Variants in MYOZ2 observed in about 807,000 individuals in gnomAD.
The protein encoded by MYOZ2 is myozenin-2.
A neutral mutation model predicts 25.4 loss-of-function variants in MYOZ2; 19 were observed. The ratio of observed to expected loss-of-function variants is 0.75; its 90% CI spans 0.52 to 1.10. The LOEUF (loss-of-function observed/expected upper bound fraction) is 1.10. Ranked by LOEUF, MYOZ2 falls within the 50% of genes least tolerant of loss-of-function variation. The pLI is 0.00. For synonymous variants in MYOZ2, 92 were observed against 106.9 expected, an observed-to-expected ratio of 0.86 and a Z score of 0.86; for missense variants, 270 against 317.9, an observed-to-expected ratio of 0.85 and a Z score of 1.15.
intron 5 of MYOZ2, among the ~76,000 whole-genome samples, chr4:119,167,969 ATGTTTTGTTT>A (rs140910198): frequency 6.6e-6 from 1 of 151,968 alleles, no homozygotes; most frequent in Non-Finnish European, 1.5e-5. Flanking sequence ...ACGGAGATTA[ATGTTTTGTTT>A]TGTTTTGTTT....
chr4:119,176,486 G>A (rs1007017581), intron 5 of MYOZ2, among the ~76,000 whole-genome samples: 12 of 152,200 alleles, frequency 7.9e-5, no homozygotes, highest in Non-Finnish European at 1.6e-4. Context: ...GCCTCCGAAA[G>A]TACTGGGATT....
At chr4:119,141,651 G>A (rs1741160705) in intron 2 of MYOZ2, among the ~76,000 whole-genome samples, 1 of 152,116 alleles carries the variant, frequency 6.6e-6, no homozygotes, top group Admixed American at 6.5e-5. Flanking sequence ...CAAAGTGCTG[G>A]GATTACAGGC....
intron 2 of MYOZ2, among the ~76,000 whole-genome samples, chr4:119,147,457 T>TTGGCCAGGCACGTAATC (rs1379216707): frequency 2.6e-5 from 4 of 152,066 alleles, no homozygotes; most frequent in Non-Finnish European, 5.9e-5. Context: ...TTATCTACTT[T>TTGGCCAGGCACGTAATC]TGGCCAGGCA....
At chr4:119,160,171 G>C (rs559509907) in intron 4 of MYOZ2, among the ~76,000 whole-genome samples, 1 of 152,206 alleles carries the variant, frequency 6.6e-6, no homozygotes, top group East Asian at 1.9e-4. Flanking sequence ...AAGTGTGATG[G>C]TATGCGAATA....
At chr4:119,185,838 T>C (rs571622885) in intron 5 of MYOZ2, 128 bp from the exon 6 acceptor site, 2 of 765,408 alleles carry the variant, frequency 2.6e-6, no homozygotes, top group South Asian at 3.3e-5. Context: ...TCATAGAATA[T>C]AAGTAAGCCC....
At chr4:119,169,540 G>A (rs1051088909) in intron 5 of MYOZ2, among the ~76,000 whole-genome samples, 2 of 152,220 alleles carry the variant, frequency 1.3e-5, no homozygotes, top group Non-Finnish European at 2.9e-5. Context: ...AAGGAAGTGA[G>A]TACTTGAGGC....
chr4:119,177,673 G>T (rs910512456), intron 5 of MYOZ2, among the ~76,000 whole-genome samples: 4 of 152,058 alleles, frequency 2.6e-5, no homozygotes, highest in Admixed American at 6.6e-5. Context: ...GAACCACATA[G>T]CCTGCCTTTT....
At chr4:119,158,324 G>C (rs534966972) in intron 4 of MYOZ2, among the ~76,000 whole-genome samples, 173 bp downstream of exon 4, 21 of 152,290 alleles carry the variant, frequency 1.4e-4, no homozygotes, top group African/African-American at 5.1e-4. Flanking sequence ...GGGAGACTGA[G>C]GTGGGTGGAT....
At chr4:119,181,349 G>C (rs554474408) in intron 5 of MYOZ2, among the ~76,000 whole-genome samples, 4 of 152,034 alleles carry the variant, frequency 2.6e-5, no homozygotes, top group Admixed American at 6.6e-5. Context: ...TGATCATAAT[G>C]CTCTGTTTTC....
At chr4:119,160,233 C>T (rs1304229470) in intron 4 of MYOZ2, among the ~76,000 whole-genome samples, 1 of 152,110 alleles carries the variant, frequency 6.6e-6, no homozygotes, top group Non-Finnish European at 1.5e-5. Flanking sequence ...TCCCCATCCA[C>T]CTTTACATCC....
In MYOZ2 at chr4:119,136,076, G is replaced by T. The variant is rs567459001; in HGVS notation, c.-15+94G>T. The T allele has an allele frequency of 1.5e-5, 3 of 193,874 alleles. No homozygotes were observed. The East Asian group carries it at 4.0e-4, about 26-fold the overall frequency. The allele number at this position is 193,874 out of a possible 1,614,324, so 12.0% of individuals were successfully genotyped here. A position where few individuals can be genotyped will look rare whatever the true frequency, so the allele number is the denominator to read the frequency against. On this transcript the variant is annotated intron_variant, in intron 1 of 5. Transcript: ENST00000307128. ...AAATGGGCATTCTCTGCTTTAAAGG[G>T]CAGCTGTTGCCAATATTAAAATGCT...
At chr4:119,173,815 G>A (rs542481484) in intron 5 of MYOZ2, among the ~76,000 whole-genome samples, 4 of 152,302 alleles carry the variant, frequency 2.6e-5, no homozygotes, top group East Asian at 1.9e-4. Flanking sequence ...CCGGGGCTGC[G>A]TGGGACGCTT....
At chr4:119,168,021 G>A (rs1476467815) in intron 5 of MYOZ2, among the ~76,000 whole-genome samples, 1 of 152,246 alleles carries the variant, frequency 6.6e-6, no homozygotes, top group Non-Finnish European at 1.5e-5. Context: ...CACCCAGGCT[G>A]GAGTGCAGTG....
intron 3 of MYOZ2, among the ~76,000 whole-genome samples, chr4:119,153,874 A>G (rs937697664): frequency 6.6e-6 from 1 of 152,136 alleles, no homozygotes; most frequent in African/African-American, 2.4e-5. Flanking sequence ...ACATGAGCCA[A>G]TTTTGAAGCC....
At position 119,136,495 on chromosome 4, in the gene MYOZ2, C is replaced by T. The variant is rs751239894; in HGVS notation, c.-14-17C>T. On this transcript the variant is annotated splice_polypyrimidine_tract_variant and intron_variant, in intron 1 of 5. Transcript: ENST00000307128. Reference sequence around the variant, plus strand: ...GTTCTTCACATTGCCTCAATAATGTCCCTTTGTTTTTAACAGGGAACAAAA... The same window carrying T: ...GTTCTTCACATTGCCTCAATAATGTTCCTTTGTTTTTAACAGGGAACAAAA... 3 of 1,597,840 alleles carry T rather than the reference C, an allele frequency of 1.9e-6. No homozygotes were observed. In the South Asian group the frequency reaches 3.3e-5, roughly 18 times the overall value.
chr4:119,170,016 C>G (rs1189934526), intron 5 of MYOZ2, among the ~76,000 whole-genome samples: 1 of 152,044 alleles, frequency 6.6e-6, no homozygotes, highest in African/African-American at 2.4e-5. Flanking sequence ...GTGATATACA[C>G]ATAACATAAA....
Position 119,150,915 on chromosome 4 carries a change from A to G in MYOZ2, c.120A>G (p.Arg40=), listed in dbSNP as rs1420224973. 2.5e-6 allele frequency: 4 copies of G among 1,613,840 alleles called. No homozygotes were observed. The highest frequency in any genetic ancestry group is 3.4e-6 in the Non-Finnish European group (4 of 1,179,886). Residue 40 remains arginine (R), a synonymous_variant, in exon 3 of 6, where the codon AGA becomes AGG. Coordinates refer to ENST00000307128, the MANE Select transcript of MYOZ2 (RefSeq NM_016599.5). ...TGGGCAAAAAGGTCAGCATCCCCAG[A>G]GACATCATGTTGGAAGAATTATCCC... ...MDLGKKVSIP[R]DIMLEELSHL...
At chr4:119,184,145 C>G (rs936194837) in intron 5 of MYOZ2, among the ~76,000 whole-genome samples, 1 of 152,152 alleles carries the variant, frequency 6.6e-6, no homozygotes, top group Non-Finnish European at 1.5e-5. Context: ...ACAGCAATAG[C>G]AGCCAGAATG....
chr4:119,147,699 G>A (rs147358008), intron 2 of MYOZ2, among the ~76,000 whole-genome samples: 3,302 of 148,998 alleles, frequency 0.022, 123 homozygotes, highest in African/African-American at 0.073. Flanking sequence ...AGCCAAGATC[G>A]GGTCACTGCA....
Sources: allele counts gnomAD v4.1 joint callset (sites outside exome capture counted in the v4.1 genomes callset), GRCh38; gene constraint gnomAD v4.1.1; transcripts MANE v1.5; gene names NCBI Gene and HGNC (gene_info 2026-07-23, HGNC 2026-07-21).